The following CAAP1 variants were observed in gnomAD, a reference collection of about 807,000 sequenced individuals.
The protein encoded by CAAP1 is caspase activity and apoptosis inhibitor 1.
Under a neutral mutation model 34.0 loss-of-function variants are expected in CAAP1, and 20 were observed. The observed-to-expected ratio is 0.59, with a 90% confidence interval of 0.41 to 0.86. The LOEUF (loss-of-function observed/expected upper bound fraction) is 0.86, where lower values mean the gene tolerates loss of function less well. CAAP1 is among the 40% of genes least tolerant of loss of function. CAAP1 has a pLI of 0.00. For synonymous variants in CAAP1, 213 were observed against 166.7 expected (o/e 1.28, Z -2.14); for missense variants, 538 against 450.5 (o/e 1.19, Z -1.76).
At chr9:26,853,453 G>C (rs1253191182) in intron 5 of CAAP1, among the ~76,000 whole-genome samples, 1 of 152,284 alleles carries the variant, frequency 6.6e-6, no homozygotes, top group Non-Finnish European at 1.5e-5. Flanking sequence ...CTGAATTGTA[G>C]AAATAAGTTA....
chr9:26,860,577 G>A (rs1286039368), intron 5 of CAAP1, among the ~76,000 whole-genome samples: 1 of 152,100 alleles, frequency 6.6e-6, no homozygotes, highest in Non-Finnish European at 1.5e-5. Flanking sequence ...TGGATCACAA[G>A]GTCAGGAGAT....
intron 5 of CAAP1, among the ~76,000 whole-genome samples, chr9:26,857,084 C>A (rs1388035062): frequency 6.6e-6 from 1 of 151,732 alleles, no homozygotes; most frequent in African/African-American, 2.4e-5. Flanking sequence ...GAAATACCTT[C>A]AACAGTTTTT....
At chr9:26,855,560 C>G (rs1184335428) in intron 5 of CAAP1, among the ~76,000 whole-genome samples, 1 of 152,098 alleles carries the variant, frequency 6.6e-6, no homozygotes, top group Non-Finnish European at 1.5e-5. Flanking sequence ...TCTGTACTTC[C>G]TGCTCACTTT....
chr9:26,848,707 A>G (rs764970283), intron 5 of CAAP1, among the ~76,000 whole-genome samples: 3 of 152,238 alleles, frequency 2.0e-5, no homozygotes, highest in Admixed American at 6.5e-5. Flanking sequence ...AGTTTTTTCT[A>G]TTATGTGGCA....
At chr9:26,845,001 T>C (rs552966043) in intron 5 of CAAP1, among the ~76,000 whole-genome samples, 16 of 152,374 alleles carry the variant, frequency 1.1e-4, no homozygotes, top group African/African-American at 3.8e-4. Flanking sequence ...TTTCTTGCTT[T>C]CTGACTTATT....
chr9:26,844,536 A>AG lies in CAAP1; in HGVS notation c.740-1890dup, dbSNP rs531964463. 1.3e-3 allele frequency among the ~76,000 whole-genome samples: 200 copies of AG among 152,282 alleles called. 1 individual carries two copies. In the Middle Eastern group the frequency reaches 0.017, roughly 13 times the overall value. ...AAAAATGTGACTTGTTTTTCAGACT[A>AG]GGGGTTGTTGCGAGATAATGAATGA... On this transcript the variant is annotated intron_variant, in intron 5 of 5. Coordinates refer to ENST00000333916, the MANE Select transcript of CAAP1 (RefSeq NM_024828.4).
At chr9:26,849,420 T>C (rs1822689645) in intron 5 of CAAP1, among the ~76,000 whole-genome samples, 1 of 152,224 alleles carries the variant, frequency 6.6e-6, no homozygotes, top group Admixed American at 6.5e-5. Context: ...TCGTATCTTC[T>C]TGTTTCTTTG....
intron 4 of CAAP1, among the ~76,000 whole-genome samples, chr9:26,867,786 TTTAATA>T (rs1333452422): frequency 6.6e-6 from 1 of 152,118 alleles, no homozygotes; most frequent in East Asian, 1.9e-4. Context: ...TGCAAAATAT[TTTAATA>T]TTAACTATTT....
At chr9:26,858,217 A>C (rs538344904) in intron 5 of CAAP1, among the ~76,000 whole-genome samples, 1 of 151,058 alleles carries the variant, frequency 6.6e-6, no homozygotes, top group South Asian at 2.2e-4. Flanking sequence ...TAGTTATGCA[A>C]GAAAAGTTAG....
chr9:26,844,760 A>C (rs1037156435), intron 5 of CAAP1, among the ~76,000 whole-genome samples: 1 of 152,316 alleles, frequency 6.6e-6, no homozygotes, highest in Middle Eastern at 3.4e-3. Context: ...ACAGTGGCTG[A>C]TGAGAATACT....
chr9:26,843,239 A>G (rs966341459), intron 5 of CAAP1, among the ~76,000 whole-genome samples: 10 of 152,206 alleles, frequency 6.6e-5, no homozygotes, highest in Non-Finnish European at 1.3e-4. Flanking sequence ...AATGACGAGG[A>G]TTTTAATTAA....
chr9:26,885,004 C>A, intron 3 of CAAP1, 119 bp from the exon 4 acceptor site: 184 of 534,052 alleles, frequency 3.4e-4, no homozygotes, highest in East Asian at 5.0e-4. Context: ...TATACTGGGT[C>A]AAAACTTAAA....
chr9:26,881,377 C>T (rs1823589781), intron 4 of CAAP1, among the ~76,000 whole-genome samples: 2 of 152,176 alleles, frequency 1.3e-5, no homozygotes, highest in African/African-American at 2.4e-5. Context: ...AATTGTAGTT[C>T]CCATAATTCC....
intron 4 of CAAP1, among the ~76,000 whole-genome samples, chr9:26,881,735 T>C (rs1804263043): frequency 1.3e-5 from 2 of 152,014 alleles, no homozygotes. Context: ...TACACGAAAA[T>C]GTGAAAGTAA....
chr9:26,876,962 T>C (rs1314769467), intron 4 of CAAP1, among the ~76,000 whole-genome samples: 2 of 152,094 alleles, frequency 1.3e-5, no homozygotes, highest in Non-Finnish European at 2.9e-5. Flanking sequence ...AAGACCAGCC[T>C]GGACAACATA....
chr9:26,867,922 A>G (rs180829164), intron 4 of CAAP1, among the ~76,000 whole-genome samples: 2 of 152,336 alleles, frequency 1.3e-5, no homozygotes, highest in African/African-American at 4.8e-5. Context: ...CCTTGACACA[A>G]AAAAGTTTTA....
At chr9:26,864,433 C>A (rs1425847301) in intron 4 of CAAP1, among the ~76,000 whole-genome samples, 11 of 152,070 alleles carry the variant, frequency 7.2e-5, no homozygotes, top group Non-Finnish European at 1.5e-5. Context: ...TCTATTGTGT[C>A]CCTCATCAAG....
chr9:26,862,920 T>G (rs1234365428), intron 4 of CAAP1, among the ~76,000 whole-genome samples: 1 of 152,062 alleles, frequency 6.6e-6, no homozygotes, highest in African/African-American at 2.4e-5. Context: ...CTCAAATGTT[T>G]CATTAAAAAA....
chr9:26,858,773 A>G (rs1318701103), intron 5 of CAAP1, among the ~76,000 whole-genome samples: 2 of 150,886 alleles, frequency 1.3e-5, no homozygotes, highest in Non-Finnish European at 3.0e-5. Context: ...CAGTGAGCTG[A>G]TATTGCACCA....
Sources: gnomAD v4.1 joint callset for allele counts (sites outside exome capture counted in the v4.1 genomes callset) on GRCh38, gnomAD v4.1.1 for gene constraint, MANE v1.5 for transcripts, NCBI Gene and HGNC (gene_info 2026-07-23, HGNC 2026-07-21) for gene names.